DNTTIP1: variants seen among roughly 807,000 people sequenced by gnomAD.
DNTTIP1 encodes the protein deoxynucleotidyltransferase terminal-interacting protein 1.
Under a neutral mutation model 52.9 loss-of-function variants are expected in DNTTIP1, and 22 were observed. The observed-to-expected ratio is 0.42, with a 90% CI of 0.30 to 0.59. The LOEUF is 0.59. DNTTIP1 is among the 20% of genes least tolerant of loss of function. The pLI, the probability that DNTTIP1 is intolerant of heterozygous loss-of-function variation, is 0.22. For missense variants in DNTTIP1, 286 were observed against 435.5 expected (o/e 0.66, Z 3.06); for synonymous variants, 136 against 155.1 (o/e 0.88, Z 0.92).
chr20:45,805,263 C>T (rs375249648), intron 9 of DNTTIP1, 43 bp from the exon 10 acceptor site: 54 of 1,613,954 alleles, frequency 3.3e-5, no homozygotes, highest in Non-Finnish European at 4.6e-5. Context: ...ACTAGTAGGA[C>T]TACACTTTCT....
chr20:45,801,237 C>T, intron 5 of DNTTIP1, 95 bp downstream of exon 5: 1 of 1,425,582 alleles, frequency 7.0e-7, no homozygotes, highest in Non-Finnish European at 9.9e-7. Flanking sequence ...CCATGTACTT[C>T]CATTTGTAGG....
chr20:45,810,575 C>CTTTTTTTTTTTTTTTTTTT (rs57338956), intron 11 of DNTTIP1, among the ~76,000 whole-genome samples: 6 of 124,156 alleles, frequency 4.8e-5, no homozygotes, highest in African/African-American at 6.4e-5. Context: ...TTCTTTTTTT[C>CTTTTTTTTTTTTTTTTTTT]TTTTTTTTTT....
At chr20:45,800,205 T>G (rs1981381019) in intron 4 of DNTTIP1, among the ~76,000 whole-genome samples, 2 of 152,074 alleles carry the variant, frequency 1.3e-5, no homozygotes, top group South Asian at 4.1e-4. Flanking sequence ...ACATACAGTA[T>G]GTATTTACAT....
rs922866488 is a variant in DNTTIP1, at chr20:45,811,149, G to T, written c.944G>T (p.Arg315Leu). Residue 315 changes from arginine to leucine, a missense_variant, in exon 13 of 13, where the codon CGG (arginine) becomes CTG (leucine). Arg to Leu is a moderately radical substitution (Grantham distance 102, BLOSUM62 -2). Around this residue, in one of 2 missense-constraint regions of DNTTIP1, gnomAD observed 78 missense variants for 169.0 expected, o/e 0.46. Transcript: ENST00000372622. ...EKMRKYMETL[R>L]TENEHRAVEA... ...ATGAGAAAGTATATGGAGACACTACGGACAGAGAATGAGCATCGTGCTGTT... is the reference window on the plus strand; with the variant it reads ...ATGAGAAAGTATATGGAGACACTACTGACAGAGAATGAGCATCGTGCTGTT... The T allele has an allele frequency of 6.2e-7, 1 of 1,614,048 alleles. No homozygotes were observed. The highest frequency in any genetic ancestry group is 8.5e-7 in the Non-Finnish European group (1 of 1,179,964).
chr20:45,792,788 G>A (rs752321266), intron 2 of DNTTIP1, 41 bp downstream of exon 2: 17 of 1,570,454 alleles, frequency 1.1e-5, no homozygotes, highest in Non-Finnish European at 1.4e-5. Flanking sequence ...CCAGCCACTG[G>A]CTTGCATGGC....
At chr20:45,804,297 G>A (rs142688000) in intron 8 of DNTTIP1, among the ~76,000 whole-genome samples, 54 of 151,984 alleles carry the variant, frequency 3.6e-4, no homozygotes, top group African/African-American at 1.3e-3. Flanking sequence ...ACACCCAGTC[G>A]AGTCCTGGAC....
chr20:45,793,889 GCCC>G (rs1448143941), intron 2 of DNTTIP1, 29 bp from the exon 3 acceptor site: 5 of 1,400,642 alleles, frequency 3.6e-6, no homozygotes, highest in Non-Finnish European at 4.9e-6. Context: ...TTTGGGACAT[GCCC>G]CCTCACCCTG....
intron 4 of DNTTIP1, among the ~76,000 whole-genome samples, chr20:45,800,124 AAAAAAAG>A (rs1037810724): frequency 4.0e-5 from 6 of 151,894 alleles, no homozygotes; most frequent in Non-Finnish European, 5.9e-5. Flanking sequence ...CATGTCAAAA[AAAAAAAG>A]AAAAAAGAAA....
At chr20:45,808,734 G>C (rs6130938) in intron 10 of DNTTIP1, among the ~76,000 whole-genome samples, 151,370 of 152,346 alleles carry the variant, frequency 0.99, 75,208 homozygotes, top group Middle Eastern at 1. Flanking sequence ...ATGCGTCCGA[G>C]AGTACATGAG....
At chr20:45,795,519 C>G in intron 4 of DNTTIP1, 76 bp downstream of exon 4, 1 of 928,704 alleles carries the variant, frequency 1.1e-6, no homozygotes, top group Admixed American at 2.2e-5. Flanking sequence ...CGATCTTAAG[C>G]CGGACGTGGT....
chr20:45,799,912 C>T (rs1344053881), intron 4 of DNTTIP1, among the ~76,000 whole-genome samples: 2 of 149,318 alleles, frequency 1.3e-5, no homozygotes, highest in African/African-American at 5.0e-5. Flanking sequence ...GTGAGACTAG[C>T]CTAGCCAACG....
chr20:45,802,457 C>T (rs73306487), intron 7 of DNTTIP1, among the ~76,000 whole-genome samples: 8,766 of 152,100 alleles, frequency 0.058, 635 homozygotes, highest in African/African-American at 0.16. Flanking sequence ...GCCTCCAAGA[C>T]GGTCATTTTC....
chr20:45,801,010 A>C, intron 4 of DNTTIP1, 64 bp from the exon 5 acceptor site: 3 of 1,360,708 alleles, frequency 2.2e-6, no homozygotes, highest in Non-Finnish European at 3.1e-6. Context: ...AAAAAAAGGA[A>C]GTAGGTAGGG....
intron 10 of DNTTIP1, among the ~76,000 whole-genome samples, chr20:45,805,941 G>T (rs1323786000): frequency 1.3e-5 from 2 of 151,756 alleles, no homozygotes; most frequent in African/African-American, 4.8e-5. Flanking sequence ...AAATTAGCTG[G>T]CATGGTGGCT....
Position 45,811,096 on chromosome 20 carries a change from T to C in DNTTIP1, c.891T>C (p.Phe297=). 1 of 1,614,102 alleles carries C rather than the reference T, an allele frequency of 6.2e-7. No individual in the cohort carries two copies. The highest frequency in any genetic ancestry group is 1.3e-5 in the African/African-American group (1 of 75,052). The stretch of plus-strand genomic sequence containing the variant: ...TGAAGCTAGAGGAATTGAAATCCTT[T>C]GTCCTACCCTCCTGGATGGTGGAGA... ...LDLKLEELKS[F]VLPSWMVEKM... is the part of the protein sequence containing the mutation. The change falls in exon 13 of 13, where the codon TTT becomes TTC. Residue 297 remains phenylalanine (F), a synonymous_variant. Transcript: ENST00000372622.
Position 45,800,695 on chromosome 20 carries a change from ATATATATATATATATAT to A in DNTTIP1, c.373-378_373-362del, listed in dbSNP as rs1981423883. Reference sequence around the variant, plus strand: ...ATCTCAATTTAAAAAAAAAAAAAAAATATATATATATATATATATATATATATATATATATATATATA... The same window carrying A: ...ATCTCAATTTAAAAAAAAAAAAAAAAATATATATATATATATATATATATA... On this transcript the variant is annotated intron_variant, in intron 4 of 12. Transcript: ENST00000372622. Among the ~76,000 whole-genome samples, 25 of 9,102 alleles carry A rather than the reference ATATATATATATATATAT, an allele frequency of 2.7e-3. 2 individuals carry two copies. Among genetic ancestry groups the A allele is most frequent in the African/African-American group, 3.3e-3 (12 of 3,608 alleles). 6.0% of individuals were successfully genotyped at this position (9,102 alleles called of 152,430 possible).
chr20:45,801,489 T>G, intron 6 of DNTTIP1, 31 bp downstream of exon 6: 2 of 1,613,070 alleles, frequency 1.2e-6, no homozygotes, highest in Middle Eastern at 3.3e-4. Context: ...GTTTTCTGGC[T>G]GAAAAAAGGC....
rs532568894 is a variant in DNTTIP1, at chr20:45,794,607, C to T, written c.273+590C>T. 6.6e-5 allele frequency among the ~76,000 whole-genome samples: 10 copies of T among 151,836 alleles called. No individual in the cohort carries two copies. The South Asian group carries it at 2.1e-3, about 32-fold the overall frequency. ...AATGTACTGTGCTGAGCACTGTGCT[C>T]CAGACATAACAAGTGTCCAATAAGT... On this transcript the variant is annotated intron_variant, in intron 3 of 12. Transcript: ENST00000372622.
chr20:45,794,081 G>A (rs1981146472), intron 3 of DNTTIP1, 64 bp downstream of exon 3: 4 of 975,976 alleles, frequency 4.1e-6, no homozygotes, highest in East Asian at 2.7e-5. Context: ...GTCCTTGCCT[G>A]CATCACCAGT....
Sources: gnomAD v4.1 joint callset for allele counts (sites outside exome capture counted in the v4.1 genomes callset) on GRCh38, gnomAD v4.1.1 for gene constraint, gnomAD v4.1.1 regional missense constraint, MANE v1.5 for transcripts, NCBI Gene and HGNC (gene_info 2026-07-23, HGNC 2026-07-21) for gene names.